CSNK2A2IP: variants seen among roughly 807,000 people sequenced by gnomAD.
CSNK2A2IP encodes the protein casein kinase 2 subunit alpha' interacting protein.
At chr3:88,449,806 AT>A in the CSNK2A2IP span, among the ~76,000 whole-genome samples, 1 of 117,626 alleles carries the variant, frequency 8.5e-6, no homozygotes, top group Non-Finnish European at 1.7e-5. Flanking sequence ...GAAAAAAGTT[AT>A]TTTTTATATC....
At chr3:88,447,503 A>T in the CSNK2A2IP span, among the ~76,000 whole-genome samples, 64 of 152,254 alleles carry the variant, frequency 4.2e-4, 1 homozygote, top group African/African-American at 1.5e-3. Context: ...ATTGGTTATG[A>T]TAATAATCTT....
chr3:88,378,040 T>C, the CSNK2A2IP span, among the ~76,000 whole-genome samples: 1 of 151,962 alleles, frequency 6.6e-6, no homozygotes, highest in Non-Finnish European at 1.5e-5. Flanking sequence ...TACCAGTTTA[T>C]GACTTAAAAT....
At chr3:88,355,505 G>A in the CSNK2A2IP span, among the ~76,000 whole-genome samples, 2 of 152,080 alleles carry the variant, frequency 1.3e-5, no homozygotes, top group Non-Finnish European at 2.9e-5. Flanking sequence ...GGGTCTAAAT[G>A]TCTTTGGTCA....
At chr3:88,348,713 T>G in the CSNK2A2IP span, among the ~76,000 whole-genome samples, 1 of 151,990 alleles carries the variant, frequency 6.6e-6, no homozygotes, top group African/African-American at 2.4e-5. Context: ...GAAAAGCCCT[T>G]TTTTGGGCAT....
At chr3:88,399,440 G>T in the CSNK2A2IP span, among the ~76,000 whole-genome samples, 2 of 152,132 alleles carry the variant, frequency 1.3e-5, no homozygotes, top group Non-Finnish European at 2.9e-5. Context: ...CTCTGCTCCT[G>T]CATCCAAAGG....
the CSNK2A2IP span, among the ~76,000 whole-genome samples, chr3:88,410,032 A>T: frequency 6.6e-6 from 1 of 152,186 alleles, no homozygotes; most frequent in Non-Finnish European, 1.5e-5. Context: ...AGTAGCTGAG[A>T]AATCCTAGCT....
At chr3:88,434,651 T>C in the CSNK2A2IP span, among the ~76,000 whole-genome samples, 4 of 152,160 alleles carry the variant, frequency 2.6e-5, no homozygotes, top group Non-Finnish European at 5.9e-5. Context: ...AAACCAGTTG[T>C]AATGCAAAGC....
chr3:88,388,819 T>G, the CSNK2A2IP span, among the ~76,000 whole-genome samples: 1 of 152,100 alleles, frequency 6.6e-6, no homozygotes. Context: ...CACAATGAGG[T>G]CTTCCATGGA....
the CSNK2A2IP span, among the ~76,000 whole-genome samples, chr3:88,418,468 G>GCGCGCGCA: frequency 6.6e-6 from 1 of 152,062 alleles, no homozygotes; most frequent in East Asian, 1.9e-4. Context: ...GTGTGTGCGC[G>GCGCGCGCA]CGGGCGTGTG....
At chr3:88,430,573 A>T in the CSNK2A2IP span, among the ~76,000 whole-genome samples, 1 of 152,158 alleles carries the variant, frequency 6.6e-6, no homozygotes, top group African/African-American at 2.4e-5. Flanking sequence ...TGAGACAAAG[A>T]AATGGAAAAT....
the CSNK2A2IP span, among the ~76,000 whole-genome samples, chr3:88,391,196 C>T: frequency 6.6e-6 from 1 of 151,992 alleles, no homozygotes; most frequent in Admixed American, 6.6e-5. Flanking sequence ...TTGTAGATAC[C>T]CTGATATTAA....
chr3:88,455,908 AT>A, the CSNK2A2IP span, among the ~76,000 whole-genome samples: 56,072 of 150,720 alleles, frequency 0.37, 10,885 homozygotes, highest in East Asian at 0.69. Flanking sequence ...CTATTTAATG[AT>A]TTTTTTTTTG....
the CSNK2A2IP span, among the ~76,000 whole-genome samples, chr3:88,463,201 C>T: frequency 5.9e-5 from 9 of 151,378 alleles, no homozygotes; most frequent in Admixed American, 1.3e-4. Flanking sequence ...CTTCCAGGGC[C>T]TCAGGCCAAC....
At chr3:88,389,326 C>A in the CSNK2A2IP span, among the ~76,000 whole-genome samples, 1 of 151,938 alleles carries the variant, frequency 6.6e-6, no homozygotes, top group African/African-American at 2.4e-5. Flanking sequence ...GGAAGATTAT[C>A]CCTGGAAGAA....
chr3:88,364,576 G>C, the CSNK2A2IP span, among the ~76,000 whole-genome samples: 1 of 151,994 alleles, frequency 6.6e-6, no homozygotes, highest in Admixed American at 6.6e-5. Context: ...TGTTGGAAGA[G>C]TGGGTTAAAA....
At chr3:88,344,706 G>A in the CSNK2A2IP span, among the ~76,000 whole-genome samples, 11 of 151,862 alleles carry the variant, frequency 7.2e-5, no homozygotes, top group African/African-American at 2.7e-4. Context: ...GGAAATAAGG[G>A]CAAGTGTACA....
chr3:88,424,386 T>C, the CSNK2A2IP span, among the ~76,000 whole-genome samples: 1 of 152,206 alleles, frequency 6.6e-6, no homozygotes, highest in African/African-American at 2.4e-5. Flanking sequence ...CAAGGTCCGG[T>C]ATAATGTGAC....
chr3:88,387,002 A>G, the CSNK2A2IP span, among the ~76,000 whole-genome samples: 1 of 152,198 alleles, frequency 6.6e-6, no homozygotes, highest in African/African-American at 2.4e-5. Context: ...TAAACAGTGG[A>G]TGACAAGTCA....
the CSNK2A2IP span, chr3:88,466,992 C>T: frequency 8.2e-7 from 1 of 1,226,424 alleles, no homozygotes; most frequent in African/African-American, 1.6e-5. Flanking sequence ...CTAATGAAGT[C>T]CCTGAAGACA....
Sources: allele counts gnomAD v4.1 joint callset (sites outside exome capture counted in the v4.1 genomes callset), GRCh38; gene constraint gnomAD v4.1.1; transcripts MANE v1.5; gene names NCBI Gene and HGNC (gene_info 2026-07-23, HGNC 2026-07-21).